CDH6: variants seen among roughly 807,000 people sequenced by gnomAD.
CDH6 encodes the protein cadherin 6.
A neutral mutation model predicts 78.0 loss-of-function variants in CDH6; 31 were observed. The ratio of observed to expected loss-of-function variants is 0.40; its 90% CI spans 0.30 to 0.54. The LOEUF is 0.54. Ranked by LOEUF, CDH6 falls within the 20% of genes least tolerant of loss-of-function variation. The probability of loss-of-function intolerance (pLI) is 0.56; values close to 1 mark genes in which losing one functional copy is unlikely to be tolerated. For synonymous variants in CDH6, 376 were observed against 368.8 expected (o/e 1.02, Z -0.23); for missense variants, 724 against 975.9 (o/e 0.74, Z 3.44).
Position 31,323,125 on chromosome 5 carries a change from G to T in CDH6, c.2190G>T (p.Pro730=), listed in dbSNP as rs747065071. ...LKENDTDPTA[P]PYDSLATYAY... Reference sequence around the variant, plus strand: ...AAAATGACACGGACCCCACTGCCCCGCCATACGACTCCTTGGCCACTTACG... The same window carrying T: ...AAAATGACACGGACCCCACTGCCCCTCCATACGACTCCTTGGCCACTTACG... Residue 730 remains proline (P), a synonymous_variant, in exon 12 of 12, where the codon CCG becomes CCT. Coordinates refer to ENST00000265071, the MANE Select transcript of CDH6 (RefSeq NM_004932.4). 2.5e-6 allele frequency: 4 copies of T among 1,613,992 alleles called. No homozygotes were observed. The highest frequency in any genetic ancestry group is 1.7e-5 in the Admixed American group (1 of 59,988).
chr5:31,295,728 C>G (rs1737570660), intron 3 of CDH6, among the ~76,000 whole-genome samples: 1 of 152,080 alleles, frequency 6.6e-6, no homozygotes, highest in Admixed American at 6.6e-5. Context: ...CCACTAAGAA[C>G]CAGCAGTGTA....
intron 1 of CDH6, among the ~76,000 whole-genome samples, chr5:31,198,474 G>A (rs1234797500): frequency 1.3e-5 from 2 of 152,058 alleles, no homozygotes. Context: ...AGAAGATGAG[G>A]CACATAAAGC....
chr5:31,304,184 A>C (rs1737908316), intron 6 of CDH6, among the ~76,000 whole-genome samples: 1 of 104,708 alleles, frequency 9.6e-6, no homozygotes, highest in Non-Finnish European at 2.0e-5. Context: ...CAACAACAAC[A>C]AAAAAAAAAA....
At position 31,305,538 on chromosome 5, in the gene CDH6, G is replaced by A. The variant is rs367725691; in HGVS notation, c.1253+111G>A. 7 of 1,139,454 alleles carry A rather than the reference G, an allele frequency of 6.1e-6. No homozygotes were observed. The African/African-American group carries it at 7.7e-5, about 13-fold the overall frequency. The allele number at this position is 1,139,454 out of a possible 1,614,324, so 70.6% of individuals were successfully genotyped here. ...TCCCTTTTGTTCCAATTAGACAACT[G>A]TGTTTTCCTGAAAAAACTATTCTAA... On this transcript the variant is annotated intron_variant, in intron 7 of 11. Coordinates refer to ENST00000265071, the MANE Select transcript of CDH6 (RefSeq NM_004932.4).
intron 1 of CDH6, among the ~76,000 whole-genome samples, chr5:31,230,783 T>G (rs1741291989): frequency 6.6e-6 from 1 of 152,172 alleles, no homozygotes; most frequent in Admixed American, 6.5e-5. Flanking sequence ...ATTAGAGATG[T>G]ATACAAAAGA....
chr5:31,290,334 C>T (rs964775285), intron 2 of CDH6, among the ~76,000 whole-genome samples: 1 of 152,294 alleles, frequency 6.6e-6, no homozygotes, highest in Admixed American at 6.5e-5. Context: ...GCACGAAATG[C>T]TACAGGTACA....
At chr5:31,199,669 A>ATGTGTG (rs763899210) in intron 1 of CDH6, among the ~76,000 whole-genome samples, 2,065 of 94,144 alleles carry the variant, frequency 0.022, 79 homozygotes, top group East Asian at 0.092. Context: ...GTGTGTGTGT[A>ATGTGTG]TGTGTGTGTG....
intron 1 of CDH6, among the ~76,000 whole-genome samples, chr5:31,228,110 A>G (rs1240617633): frequency 1.3e-5 from 2 of 152,068 alleles, no homozygotes; most frequent in African/African-American, 2.4e-5. Flanking sequence ...TTCAAAGCCA[A>G]CAGTGTAGCA....
At chr5:31,300,987 A>G (rs1242190914) in intron 5 of CDH6, among the ~76,000 whole-genome samples, 1 of 152,100 alleles carries the variant, frequency 6.6e-6, no homozygotes, top group African/African-American at 2.4e-5. Flanking sequence ...GTCAGGCACG[A>G]TGGTGTGCAC....
At chr5:31,287,023 A>G (rs978155623) in intron 2 of CDH6, among the ~76,000 whole-genome samples, 3 of 152,146 alleles carry the variant, frequency 2.0e-5, no homozygotes, top group Admixed American at 6.5e-5. Context: ...GATGAGGTCA[A>G]TATTGGATGT....
At chr5:31,236,751 C>G (rs551561717) in intron 1 of CDH6, among the ~76,000 whole-genome samples, 1 of 152,144 alleles carries the variant, frequency 6.6e-6, no homozygotes, top group African/African-American at 2.4e-5. Context: ...CTGTTTTGAT[C>G]AGCAGAATTT....
intron 1 of CDH6, among the ~76,000 whole-genome samples, chr5:31,221,293 A>G (rs1269540996): frequency 6.6e-6 from 1 of 152,134 alleles, no homozygotes; most frequent in East Asian, 1.9e-4. Flanking sequence ...TTTTCCTTAC[A>G]TACCAGTAGT....
chr5:31,327,003 G>A lies in CDH6; in HGVS notation c.*3695G>A, dbSNP rs1738639835. ...GCCACCGCGCCCGGCCTTAAAAATT[G>A]AATCTGTAGCTTAGGCCATCCAAAT... is the stretch of plus-strand genomic sequence containing the variant. On this transcript the variant is annotated 3_prime_UTR_variant, in exon 12 of 12. Transcript: ENST00000265071. 5.7e-6 allele frequency: 1 copy of A among 174,362 alleles called. No individual in the cohort carries two copies. The highest frequency in any genetic ancestry group is 1.2e-5 in the Non-Finnish European group (1 of 80,732). The allele number at this position is 174,362 out of a possible 1,614,324, so 10.8% of individuals were successfully genotyped here. A position where few individuals can be genotyped will look rare whatever the true frequency, so the allele number is the denominator to read the frequency against.
chr5:31,299,614 C>T lies in CDH6; in HGVS notation c.794C>T (p.Pro265Leu). The change falls in exon 5 of 12, where the codon CCT becomes CTT. Residue 265 changes from proline (P) to leucine (L), a missense_variant. This residue lies in a region of CDH6 where 446 missense variants were observed against 684.5 expected (regional missense o/e 0.65). Coordinates refer to ENST00000265071, the MANE Select transcript of CDH6 (RefSeq NM_004932.4). ...NITLTDVNDN[P>L]PRFPQSTYQF... ...ACACTGACTGATGTCAACGACAACC[C>T]TCCCCGATTCCCCCAGAGTAGGAAC... 6.2e-7 allele frequency: 1 copy of T among 1,612,864 alleles called. No homozygotes were observed. Among genetic ancestry groups the T allele is most frequent in the South Asian group, 1.1e-5 (1 of 90,964 alleles).
chr5:31,255,365 C>G (rs1561044703), intron 1 of CDH6, among the ~76,000 whole-genome samples: 1 of 152,156 alleles, frequency 6.6e-6, no homozygotes, highest in Non-Finnish European at 1.5e-5. Context: ...TTTTCTGCTT[C>G]CCTTCTTCTT....
At chr5:31,291,998 A>G (rs1743179229) in intron 2 of CDH6, among the ~76,000 whole-genome samples, 1 of 152,208 alleles carries the variant, frequency 6.6e-6, no homozygotes, top group Non-Finnish European at 1.5e-5. Flanking sequence ...GTGTTACATT[A>G]AACACGGTTT....
intron 1 of CDH6, among the ~76,000 whole-genome samples, chr5:31,265,029 G>A (rs1453554682): frequency 6.6e-6 from 1 of 152,136 alleles, no homozygotes; most frequent in Non-Finnish European, 1.5e-5. Flanking sequence ...CCTCTTTCCT[G>A]CCAGCACCAT....
Position 31,241,159 on chromosome 5 carries a change from G to A in CDH6, c.-128-26187G>A, listed in dbSNP as rs143309014. Among the ~76,000 whole-genome samples, 210 of 152,258 alleles carry A rather than the reference G, an allele frequency of 1.4e-3. 1 individual carries two copies. The highest frequency in any genetic ancestry group is 4.5e-3 in the African/African-American group (186 of 41,548). On this transcript the variant is annotated intron_variant, in intron 1 of 11. Coordinates refer to ENST00000265071, the MANE Select transcript of CDH6 (RefSeq NM_004932.4). ...AAAGCAAGTGTCTCTTATCTTACTG[G>A]TCATGGCGTCTCTCAGCCCATCTTT...
At chr5:31,199,679 G>A (rs1035579872) in intron 1 of CDH6, among the ~76,000 whole-genome samples, 23 of 69,468 alleles carry the variant, frequency 3.3e-4, no homozygotes, top group South Asian at 1.6e-3. Flanking sequence ...ATGTGTGTGT[G>A]TGTGTGTATA....
Sources: allele counts gnomAD v4.1 joint callset (sites outside exome capture counted in the v4.1 genomes callset), GRCh38; gene constraint gnomAD v4.1.1; regional missense constraint gnomAD v4.1.1; transcripts MANE v1.5; gene names NCBI Gene and HGNC (gene_info 2026-07-23, HGNC 2026-07-21).